Variants in MOXD1 observed in about 807,000 individuals in gnomAD.
MOXD1 encodes the protein monooxygenase DBH like 1.
In MOXD1, 62 loss-of-function variants were observed where a neutral mutation model predicts 66.6. The observed-to-expected ratio is 0.93, with a 90% CI of 0.76 to 1.15. MOXD1 has a LOEUF of 1.15. MOXD1 is among the 50% of genes most tolerant of loss of function. The pLI is 0.00. For synonymous variants in MOXD1, 303 were observed against 281.9 expected, an observed-to-expected ratio of 1.07 and a Z score of -0.75; for missense variants, 847 against 754.6, an observed-to-expected ratio of 1.12 and a Z score of -1.44.
Position 132,374,775 on chromosome 6 carries a change from A to G in MOXD1, c.267T>C (p.Asp89=). Residue 89 remains aspartate, a splice_region_variant and synonymous_variant, in exon 2 of 12, where the codon GAT becomes GAC. Coordinates refer to ENST00000367963, the MANE Select transcript of MOXD1 (RefSeq NM_015529.4). ...GVAHGRPYLQ[D]YFTNANRELK... ...ACTCTCTATTTGCATTTGTAAAATA[A>G]TCCTGTGGAAAATATGGAAAAGAAA... is the stretch of plus-strand genomic sequence containing the variant. 1 of 1,613,362 alleles carries G rather than the reference A, an allele frequency of 6.2e-7. No homozygotes were observed. The highest frequency in any genetic ancestry group is 8.5e-7 in the Non-Finnish European group (1 of 1,179,432).
chr6:132,342,498 C>T (rs558188661), intron 4 of MOXD1, among the ~76,000 whole-genome samples: 1 of 152,198 alleles, frequency 6.6e-6, no homozygotes, highest in South Asian at 2.1e-4. Context: ...CTACTTGCTG[C>T]CAATTCATTA....
intron 10 of MOXD1, among the ~76,000 whole-genome samples, chr6:132,315,135 A>G (rs1229800907): frequency 6.6e-6 from 1 of 152,220 alleles, no homozygotes; most frequent in African/African-American, 2.4e-5. Flanking sequence ...AATTTTAGTA[A>G]GTGGTAGGCA....
chr6:132,349,422 CATATATATATATACATATAT>C lies in MOXD1; in HGVS notation c.664-20848_664-20829del, dbSNP rs1562289935. Reference sequence around the variant, plus strand: ...ATATATATACATATATATATATATACATATATATATATACATATATATATATATACATATATATATATACA... The same window carrying C: ...ATATATATACATATATATATATATACATATATATACATATATATATATACA... On this transcript the variant is annotated intron_variant, in intron 4 of 11. Coordinates refer to ENST00000367963, the MANE Select transcript of MOXD1 (RefSeq NM_015529.4). Among the ~76,000 whole-genome samples, 34 of 36,822 alleles carry C rather than the reference CATATATATATATACATATAT, an allele frequency of 9.2e-4. 1 individual carries two copies. The East Asian group carries it at 0.016, about 18-fold the overall frequency. 24.2% of individuals were successfully genotyped at this position (36,822 alleles called of 152,430 possible). A position where few individuals can be genotyped will look rare whatever the true frequency, so the allele number is the denominator to read the frequency against.
At chr6:132,319,215 A>C (rs557546045) in intron 9 of MOXD1, among the ~76,000 whole-genome samples, 2,117 of 152,164 alleles carry the variant, frequency 0.014, 57 homozygotes, top group African/African-American at 0.048. Flanking sequence ...TAAATTAAAA[A>C]ATACATGAAA....
intron 1 of MOXD1, among the ~76,000 whole-genome samples, chr6:132,384,552 G>A (rs755851317): frequency 6.6e-6 from 1 of 152,200 alleles, no homozygotes; most frequent in Non-Finnish European, 1.5e-5. Flanking sequence ...AGAGATAACA[G>A]GGGGATCAGA....
intron 1 of MOXD1, among the ~76,000 whole-genome samples, chr6:132,397,684 A>AAGAAAGAAAGAAAGAAAGAAAG (rs1776924328): frequency 7.4e-6 from 1 of 134,572 alleles, no homozygotes; most frequent in African/African-American, 2.8e-5. Flanking sequence ...GAAAGAAAGA[A>AAGAAAGAAAGAAAGAAAGAAAG]AGAAAGAAAG....
rs1776274245 is a variant in MOXD1, at chr6:132,372,154, T to A, written c.663+454A>T. Among the ~76,000 whole-genome samples the A allele has an allele frequency of 2.0e-5, 3 of 152,204 alleles. No homozygotes were observed. In the South Asian group the frequency reaches 6.2e-4, roughly 31 times the overall value. ...TTTATTTCTGTAGAAATTCACTAAT[T>A]TTCTTTTTTCTATTTTCAAAAAATT... On this transcript the variant is annotated intron_variant, in intron 4 of 11. Transcript: ENST00000367963.
chr6:132,374,631 C>T lies in MOXD1; in HGVS notation c.411G>A (p.Thr137=), dbSNP rs777500040. 1.2e-6 allele frequency: 2 copies of T among 1,613,384 alleles called. No individual in the cohort carries two copies. Among genetic ancestry groups the T allele is most frequent in the South Asian group, 2.2e-5 (2 of 91,014 alleles). ...HTCDINDKSI[T]DSTVRVIWAY... ...ATGCATTCACTCATAGATGCCTTAC[C>T]GTTATACTCTTGTCATTTATGTCAC... The change falls in exon 2 of 12, where the codon ACG becomes ACA. Residue 137 remains threonine, a splice_region_variant and synonymous_variant. Coordinates refer to ENST00000367963, the MANE Select transcript of MOXD1 (RefSeq NM_015529.4).
At chr6:132,317,179 A>C (rs1774977776) in intron 9 of MOXD1, among the ~76,000 whole-genome samples, 1 of 152,148 alleles carries the variant, frequency 6.6e-6, no homozygotes, top group South Asian at 2.1e-4. Flanking sequence ...GCCAACCAAG[A>C]ATTCTGTATC....
intron 4 of MOXD1, among the ~76,000 whole-genome samples, chr6:132,364,854 A>G (rs1027743487): frequency 2.6e-5 from 4 of 152,206 alleles, no homozygotes; most frequent in Non-Finnish European, 5.9e-5. Context: ...CTAAGGCTCA[A>G]GGAAGTTAAA....
In MOXD1 at chr6:132,346,445, G is replaced by A. The variant is rs548813309; in HGVS notation, c.664-17851C>T. On this transcript the variant is annotated intron_variant, in intron 4 of 11. Transcript: ENST00000367963. ...CCATCTTTTTTTTCTAGCAGCAGGG[G>A]AATAACATCAATGACATTTTTTATT... is the stretch of plus-strand genomic sequence containing the variant. 3.9e-5 allele frequency among the ~76,000 whole-genome samples: 6 copies of A among 152,052 alleles called. No individual in the cohort carries two copies. In the East Asian group the frequency reaches 1.2e-3, roughly 29 times the overall value.
At chr6:132,324,702 C>T (rs1775151017) in intron 6 of MOXD1, among the ~76,000 whole-genome samples, 1 of 152,154 alleles carries the variant, frequency 6.6e-6, no homozygotes, top group African/African-American at 2.4e-5. Context: ...GAATAAGACA[C>T]ACTTGTCGTT....
chr6:132,357,036 TA>T (rs1379792352), intron 4 of MOXD1, among the ~76,000 whole-genome samples: 2 of 151,886 alleles, frequency 1.3e-5, no homozygotes, highest in Non-Finnish European at 2.9e-5. Context: ...TATTAGAAAA[TA>T]AAGTGTTCTC....
chr6:132,364,714 A>C (rs1776081887), intron 4 of MOXD1, among the ~76,000 whole-genome samples: 1 of 152,216 alleles, frequency 6.6e-6, no homozygotes, highest in Non-Finnish European at 1.5e-5. Context: ...CAAATTGGGA[A>C]TATAGCCAGT....
intron 1 of MOXD1, among the ~76,000 whole-genome samples, chr6:132,395,511 A>G (rs72994871): frequency 0.3 from 45,207 of 152,028 alleles, 7,324 homozygotes; most frequent in African/African-American, 0.4. Context: ...TAAAATAAGA[A>G]GAATAAGCTC....
At chr6:132,317,680 T>A (rs1399654935) in intron 9 of MOXD1, among the ~76,000 whole-genome samples, 2 of 152,086 alleles carry the variant, frequency 1.3e-5, no homozygotes, top group Non-Finnish European at 2.9e-5. Flanking sequence ...TAATAACTCA[T>A]TTATTATGTC....
At chr6:132,299,032 T>A (rs1774472128) in intron 10 of MOXD1, among the ~76,000 whole-genome samples, 1 of 152,092 alleles carries the variant, frequency 6.6e-6, no homozygotes, top group Non-Finnish European at 1.5e-5. Flanking sequence ...AAGGTGTCCA[T>A]CAAAGGTGGA....
chr6:132,323,719 C>T, intron 7 of MOXD1, among the ~76,000 whole-genome samples: 1 of 152,138 alleles, frequency 6.6e-6, no homozygotes, highest in South Asian at 2.1e-4. Context: ...AAGAAAAACA[C>T]CCTGCCAACT....
intron 4 of MOXD1, among the ~76,000 whole-genome samples, chr6:132,349,447 A>G (rs1197570839): frequency 1.4e-4 from 8 of 55,982 alleles, no homozygotes; most frequent in South Asian, 1.3e-3. Context: ...ATATATATAT[A>G]TATACATATA....
Sources: gnomAD v4.1 joint callset for allele counts (sites outside exome capture counted in the v4.1 genomes callset) on GRCh38, gnomAD v4.1.1 for gene constraint, MANE v1.5 for transcripts, NCBI Gene and HGNC (gene_info 2026-07-23, HGNC 2026-07-21) for gene names.